Variants in RPAP2 observed in about 807,000 individuals in gnomAD.
The protein encoded by RPAP2 is putative RNA polymerase II subunit B1 CTD phosphatase RPAP2.
A neutral mutation model predicts 73.1 loss-of-function variants in RPAP2; 52 were observed. The observed-to-expected ratio is 0.71, with a 90% confidence interval of 0.57 to 0.90. RPAP2 has a LOEUF of 0.90. Ranked by LOEUF, RPAP2 falls within the 40% of genes least tolerant of loss-of-function variation. The pLI, the probability that RPAP2 is intolerant of heterozygous loss-of-function variation, is 0.00. For missense variants in RPAP2, 598 were observed against 701.8 expected, an observed-to-expected ratio of 0.85 and a Z score of 1.67; for synonymous variants, 225 against 242.1, an observed-to-expected ratio of 0.93 and a Z score of 0.65.
intron 11 of RPAP2, among the ~76,000 whole-genome samples, chr1:92,376,320 C>G (rs1230045838): frequency 6.6e-6 from 1 of 152,034 alleles, no homozygotes; most frequent in Non-Finnish European, 1.5e-5. Flanking sequence ...GATCTATAAT[C>G]ATTTATATTC....
At chr1:92,302,212 C>T (rs1650900546) in intron 3 of RPAP2, among the ~76,000 whole-genome samples, 1 of 151,374 alleles carries the variant, frequency 6.6e-6, no homozygotes, top group South Asian at 2.1e-4. Context: ...AGGAGGCAGA[C>T]GTTGCAGTGA....
chr1:92,340,187 A>G (rs2101268708), intron 10 of RPAP2, among the ~76,000 whole-genome samples: 1 of 152,316 alleles, frequency 6.6e-6, no homozygotes, highest in Non-Finnish European at 1.5e-5. Context: ...CTCCTTAGTA[A>G]CTGTAAGTCA....
intron 11 of RPAP2, among the ~76,000 whole-genome samples, chr1:92,368,334 G>A (rs1311263924): frequency 1.3e-5 from 2 of 152,136 alleles, no homozygotes; most frequent in Non-Finnish European, 2.9e-5. Context: ...AGCCGAGATC[G>A]TGCCACTGCA....
Position 92,391,267 on chromosome 1 carries a change from T to C in RPAP2, c.*4256T>C, listed in dbSNP as rs1656031279. The C allele has an allele frequency of 1.3e-5, 2 of 152,156 alleles. No homozygotes were observed. The highest frequency in any genetic ancestry group is 4.8e-5 in the African/African-American group (2 of 41,434). The allele number at this position is 152,156 out of a possible 1,614,324, so 9.4% of individuals were successfully genotyped here. ...ACAACTGCATGGAAACTGAACAACC[T>C]GTTCCTGAATGACTACTGGGTAAAT... On this transcript the variant is annotated 3_prime_UTR_variant, in exon 13 of 13. Transcript: ENST00000610020.
At position 92,388,670 on chromosome 1, in the gene RPAP2, A is replaced by C. The variant is rs1324804193; in HGVS notation, c.*1659A>C. The stretch of plus-strand genomic sequence containing the variant: ...AGGAGGGGTACACTCCTGCCCAAAT[A>C]CTGCTCTTTTCCCACAGTCTTCGCA... On this transcript the variant is annotated 3_prime_UTR_variant, in exon 13 of 13. Coordinates refer to ENST00000610020, the MANE Select transcript of RPAP2 (RefSeq NM_024813.3). 1.3e-5 allele frequency: 2 copies of C among 152,168 alleles called. No homozygotes were observed. Among genetic ancestry groups the C allele is most frequent in the Non-Finnish European group, 2.9e-5 (2 of 68,070 alleles). The allele number at this position is 152,168 out of a possible 1,614,324, so 9.4% of individuals were successfully genotyped here.
Position 92,391,561 on chromosome 1 carries a change from A to C in RPAP2, c.*4550A>C. ...GCAGAACTGAAGGAGATAGAGACTC[A>C]ACAAACCCTTCAAAAAATCAGTGAA... On this transcript the variant is annotated 3_prime_UTR_variant, in exon 13 of 13. Transcript: ENST00000610020. The C allele has an allele frequency of 6.6e-6, 1 of 152,208 alleles. No homozygotes were observed. Among genetic ancestry groups the C allele is most frequent in the East Asian group, 1.9e-4 (1 of 5,190 alleles). 9.4% of individuals were successfully genotyped at this position (152,208 alleles called of 1,614,324 possible). A position where few individuals can be genotyped will look rare whatever the true frequency, so the allele number is the denominator to read the frequency against.
At chr1:92,360,870 C>G (rs1654698591) in intron 11 of RPAP2, among the ~76,000 whole-genome samples, 1 of 151,882 alleles carries the variant, frequency 6.6e-6, no homozygotes, top group Admixed American at 6.6e-5. Context: ...TGATTCTTAC[C>G]TCCCTTTCTC....
intron 11 of RPAP2, among the ~76,000 whole-genome samples, chr1:92,377,419 G>A (rs904029484): frequency 6.6e-6 from 1 of 151,230 alleles, no homozygotes; most frequent in Non-Finnish European, 1.5e-5. Flanking sequence ...TCAGGAGGCT[G>A]AGGCAGGATA....
intron 6 of RPAP2, among the ~76,000 whole-genome samples, chr1:92,310,578 TTAA>T (rs1407480118): frequency 6.6e-6 from 1 of 152,122 alleles, no homozygotes; most frequent in Non-Finnish European, 1.5e-5. Context: ...AATAGTAATT[TTAA>T]TAATCATAAT....
intron 6 of RPAP2, among the ~76,000 whole-genome samples, chr1:92,312,261 T>C (rs1220214091): frequency 6.6e-6 from 1 of 151,930 alleles, no homozygotes; most frequent in African/African-American, 2.4e-5. Context: ...ATTTAAAAAA[T>C]AAAAAATTAG....
At chr1:92,315,522 C>T (rs970667091) in intron 6 of RPAP2, among the ~76,000 whole-genome samples, 3 of 152,010 alleles carry the variant, frequency 2.0e-5, no homozygotes, top group African/African-American at 4.8e-5. Flanking sequence ...ATTTGCAAAG[C>T]GCAGTAAAGG....
rs1012991828 is a variant in RPAP2, at chr1:92,394,304, C to T, written c.*7293C>T. 9.9e-5 allele frequency: 15 copies of T among 151,980 alleles called. No individual in the cohort carries two copies. The highest frequency in any genetic ancestry group is 3.4e-4 in the African/African-American group (14 of 41,424). 9.4% of individuals were successfully genotyped at this position (151,980 alleles called of 1,614,324 possible). On this transcript the variant is annotated 3_prime_UTR_variant, in exon 13 of 13. Coordinates refer to ENST00000610020, the MANE Select transcript of RPAP2 (RefSeq NM_024813.3). ...GAACACATGGACACAGGGAGGGTAACATCACACACCAGGGCCTGTGGGGGG... is the reference window on the plus strand; with the variant it reads ...GAACACATGGACACAGGGAGGGTAATATCACACACCAGGGCCTGTGGGGGG...
At chr1:92,364,369 G>T (rs1387785578) in intron 11 of RPAP2, among the ~76,000 whole-genome samples, 1 of 152,120 alleles carries the variant, frequency 6.6e-6, no homozygotes, top group Non-Finnish European at 1.5e-5. Context: ...AAAAAATCAA[G>T]ACAAATATAA....
chr1:92,323,364 G>A (rs1571057658), intron 7 of RPAP2, 81 bp from the exon 8 acceptor site: 3 of 950,634 alleles, frequency 3.2e-6, no homozygotes, highest in East Asian at 2.4e-5. Context: ...TAAATACTAT[G>A]GGGTACTTTA....
chr1:92,324,354 C>G lies in RPAP2; in HGVS notation c.1434C>G (p.Thr478=). The G allele has an allele frequency of 6.2e-7, 1 of 1,612,932 alleles. No individual in the cohort carries two copies. Among genetic ancestry groups the G allele is most frequent in the Non-Finnish European group, 8.5e-7 (1 of 1,179,374 alleles). The change falls in exon 8 of 13, where the codon ACC becomes ACG. Residue 478 remains threonine (T), a synonymous_variant. Coordinates refer to ENST00000610020, the MANE Select transcript of RPAP2 (RefSeq NM_024813.3). The stretch of plus-strand genomic sequence containing the variant: ...GGTATGTTTTGGGTGAAGAAACCAC[C>G]AAATCACAAGACTCAGAAGAGGTAT... ...RGRYVLGEET[T]KSQDSEEHDS...
At position 92,301,505 on chromosome 1, in the gene RPAP2, A is replaced by G; in HGVS notation, c.149A>G (p.Lys50Arg). 1 of 1,593,590 alleles carries G rather than the reference A, an allele frequency of 6.3e-7. No homozygotes were observed. Among genetic ancestry groups the G allele is most frequent in the South Asian group, 1.2e-5 (1 of 86,940 alleles). The change falls in exon 3 of 13, where the codon AAG (lysine) becomes AGG (arginine). Residue 50 changes from lysine (K) to arginine (R), a missense_variant. Coordinates refer to ENST00000610020, the MANE Select transcript of RPAP2 (RefSeq NM_024813.3). Reference sequence around the variant, plus strand: ...GCTGAACTAGAAGCAGCTGTGAGAAAGAAGATTGAATTTGAGAGAAAAGCT... The same window carrying G: ...GCTGAACTAGAAGCAGCTGTGAGAAGGAAGATTGAATTTGAGAGAAAAGCT... ...RKAELEAAVR[K>R]KIEFERKALH...
intron 11 of RPAP2, among the ~76,000 whole-genome samples, chr1:92,351,945 A>G (rs1275428229): frequency 6.6e-6 from 1 of 152,090 alleles, no homozygotes; most frequent in Non-Finnish European, 1.5e-5. Context: ...GTGGCCAGGG[A>G]GAGAGGTGTG....
At chr1:92,305,382 G>A (rs1238676974) in intron 5 of RPAP2, among the ~76,000 whole-genome samples, 2 of 133,524 alleles carry the variant, frequency 1.5e-5, no homozygotes, top group African/African-American at 5.9e-5. Context: ...GCAGTGAGCC[G>A]AGATCGCACC....
chr1:92,344,020 T>C (rs1653741151), intron 10 of RPAP2, among the ~76,000 whole-genome samples: 1 of 152,240 alleles, frequency 6.6e-6, no homozygotes, highest in Non-Finnish European at 1.5e-5. Flanking sequence ...AAGCAACTGC[T>C]ACTGTGAAGT....
Sources: allele counts gnomAD v4.1 joint callset (sites outside exome capture counted in the v4.1 genomes callset), GRCh38; gene constraint gnomAD v4.1.1; transcripts MANE v1.5; gene names NCBI Gene and HGNC (gene_info 2026-07-23, HGNC 2026-07-21).